Variants in ATXN1 observed in about 807,000 individuals in gnomAD.
The protein encoded by ATXN1 is ataxin 1.
ATXN1 carries 8 observed loss-of-function variants against 56.4 expected under a neutral mutation model. That is an observed-to-expected ratio of 0.14 (90% CI 0.08 to 0.26). ATXN1 has a LOEUF of 0.26. Ranked by LOEUF, ATXN1 falls within the 10% of genes least tolerant of loss-of-function variation. The pLI, the probability that ATXN1 is intolerant of heterozygous loss-of-function variation, is 1.00. For synonymous variants in ATXN1, 514 were observed against 494.6 expected (o/e 1.04, Z -0.52); for missense variants, 987 against 1,106.5 (o/e 0.89, Z 1.53).
chr6:16,694,252 C>CTTT (rs537104749), intron 2 of ATXN1, among the ~76,000 whole-genome samples: 40 of 122,742 alleles, frequency 3.3e-4, no homozygotes, highest in Non-Finnish European at 6.0e-4. Context: ...TTTTTTTTTT[C>CTTT]TTTTTTTTTT....
chr6:16,320,408 G>T lies in ATXN1; in HGVS notation c.1917+5986C>A, dbSNP rs189393612. ...CAGGGAAGCAGTCACCTCGGGAGGC[G>T]CTGGGAAGCGACAGACGGCCCTAAT... On this transcript the variant is annotated intron_variant, in intron 7 of 7. Coordinates refer to ENST00000436367, the MANE Select transcript of ATXN1 (RefSeq NM_001128164.2). 2.0e-5 allele frequency among the ~76,000 whole-genome samples: 3 copies of T among 150,240 alleles called. No homozygotes were observed. In the East Asian group the frequency reaches 5.8e-4, roughly 29 times the overall value.
At chr6:16,632,383 G>A (rs1407404790) in intron 3 of ATXN1, among the ~76,000 whole-genome samples, 1 of 152,212 alleles carries the variant, frequency 6.6e-6, no homozygotes, top group Non-Finnish European at 1.5e-5. Flanking sequence ...ATGAACACAT[G>A]AGCTAAATGC....
intron 6 of ATXN1, among the ~76,000 whole-genome samples, chr6:16,397,266 GT>G (rs1758476541): frequency 6.6e-6 from 1 of 151,464 alleles, no homozygotes; most frequent in Admixed American, 6.6e-5. Flanking sequence ...TTTGTTTTTT[GT>G]TTTTTTGTTT....
At chr6:16,743,242 T>C (rs1760404208) in intron 2 of ATXN1, among the ~76,000 whole-genome samples, 1 of 152,214 alleles carries the variant, frequency 6.6e-6, no homozygotes, top group African/African-American at 2.4e-5. Context: ...TTAAATATGA[T>C]TGAGCGAATT....
chr6:16,588,780 CAA>C (rs1182955371), intron 3 of ATXN1, among the ~76,000 whole-genome samples: 2 of 151,922 alleles, frequency 1.3e-5, no homozygotes, highest in Non-Finnish European at 1.5e-5. Flanking sequence ...ATAAATGAGC[CAA>C]AGAAGGAGGG....
intron 2 of ATXN1, among the ~76,000 whole-genome samples, chr6:16,703,306 G>A (rs1759328921): frequency 6.6e-6 from 1 of 152,138 alleles, no homozygotes; most frequent in Non-Finnish European, 1.5e-5. Context: ...ACAGGAAGGG[G>A]AACACCACAC....
intron 5 of ATXN1, among the ~76,000 whole-genome samples, chr6:16,493,669 GTTGA>G (rs1760714221): frequency 6.6e-6 from 1 of 152,054 alleles, no homozygotes; most frequent in African/African-American, 2.4e-5. Flanking sequence ...ATCAATATTT[GTTGA>G]TTAACTGATT....
At chr6:16,411,041 C>T (rs1259338797) in intron 6 of ATXN1, among the ~76,000 whole-genome samples, 1 of 146,794 alleles carries the variant, frequency 6.8e-6, no homozygotes, top group Admixed American at 7.0e-5. Context: ...AGGAGAATTG[C>T]TTGAACCTGG....
At chr6:16,581,432 T>A (rs1278773484) in intron 4 of ATXN1, among the ~76,000 whole-genome samples, 1 of 151,950 alleles carries the variant, frequency 6.6e-6, no homozygotes, top group Non-Finnish European at 1.5e-5. Flanking sequence ...AATCCGAAGC[T>A]AAAAATGCAG....
chr6:16,594,608 G>T (rs564729495), intron 3 of ATXN1, among the ~76,000 whole-genome samples: 1 of 151,530 alleles, frequency 6.6e-6, no homozygotes, highest in Non-Finnish European at 1.5e-5. Flanking sequence ...TCAGCCTCCC[G>T]AGTATCTGGG....
intron 2 of ATXN1, among the ~76,000 whole-genome samples, chr6:16,705,039 C>G (rs1010949715): frequency 2.0e-5 from 3 of 152,130 alleles, no homozygotes; most frequent in Non-Finnish European, 2.9e-5. Context: ...CCCAGTGATC[C>G]TAAAATCCCT....
intron 7 of ATXN1, among the ~76,000 whole-genome samples, chr6:16,318,231 C>T (rs1202971075): frequency 2.0e-5 from 3 of 152,178 alleles, no homozygotes; most frequent in East Asian, 1.9e-4. Context: ...TCACAAATTG[C>T]GAAGGGCATC....
At chr6:16,311,636 A>G (rs1268965412) in intron 7 of ATXN1, among the ~76,000 whole-genome samples, 2 of 152,250 alleles carry the variant, frequency 1.3e-5, no homozygotes, top group Non-Finnish European at 2.9e-5. Context: ...ATAGACAAAT[A>G]TACTTACAAG....
At chr6:16,487,406 A>G (rs1277823749) in intron 5 of ATXN1, among the ~76,000 whole-genome samples, 1 of 152,226 alleles carries the variant, frequency 6.6e-6, no homozygotes, top group African/African-American at 2.4e-5. Context: ...TAGATTTGGA[A>G]TTGGTAACAC....
intron 6 of ATXN1, among the ~76,000 whole-genome samples, chr6:16,398,686 T>C (rs179942): frequency 0.61 from 93,190 of 152,078 alleles, 29,028 homozygotes; most frequent in East Asian, 0.97. Flanking sequence ...AATCCCTGCC[T>C]TTTATCAGAT....
At chr6:16,356,327 G>A (rs1261859458) in intron 6 of ATXN1, among the ~76,000 whole-genome samples, 1 of 152,124 alleles carries the variant, frequency 6.6e-6, no homozygotes, top group Non-Finnish European at 1.5e-5. Flanking sequence ...GACCTAATTT[G>A]GCCTTAAGTC....
intron 5 of ATXN1, among the ~76,000 whole-genome samples, chr6:16,513,365 T>C (rs1248829924): frequency 2.0e-5 from 3 of 152,186 alleles, no homozygotes; most frequent in Non-Finnish European, 4.4e-5. Flanking sequence ...TCACTGGAGA[T>C]TCTAAATGTT....
At chr6:16,466,095 C>T (rs4716073) in intron 6 of ATXN1, among the ~76,000 whole-genome samples, 85,519 of 151,796 alleles carry the variant, frequency 0.56, 24,639 homozygotes, top group East Asian at 0.85. Context: ...GGCGGGTGGA[C>T]CACAAGGTCA....
At chr6:16,626,885 G>A (rs1352103590) in intron 3 of ATXN1, among the ~76,000 whole-genome samples, 1 of 152,200 alleles carries the variant, frequency 6.6e-6, no homozygotes, top group Non-Finnish European at 1.5e-5. Context: ...ATGGCCATCT[G>A]CAAGCCAAGG....
Sources: gnomAD v4.1 joint callset for allele counts (sites outside exome capture counted in the v4.1 genomes callset) on GRCh38, gnomAD v4.1.1 for gene constraint, MANE v1.5 for transcripts, NCBI Gene and HGNC (gene_info 2026-07-23, HGNC 2026-07-21) for gene names.